The following PCSK5 variants were observed in gnomAD, a reference collection of about 807,000 sequenced individuals.
PCSK5 encodes proprotein convertase subtilisin/kexin type 5.
PCSK5 carries 129 observed loss-of-function variants against 233.2 expected under a neutral mutation model. The ratio of observed to expected loss-of-function variants is 0.55; its 90% CI spans 0.48 to 0.64. The LOEUF (loss-of-function observed/expected upper bound fraction) is 0.64, where lower values mean the gene tolerates loss of function less well. Among genes scored for constraint, PCSK5 ranks in the 30% least tolerant of loss-of-function variants. The probability of loss-of-function intolerance (pLI) is 0.00; values close to 1 mark genes in which losing one functional copy is unlikely to be tolerated. For synonymous variants in PCSK5, 825 were observed against 879.2 expected (o/e 0.94, Z 1.09); for missense variants, 2,076 against 2,430.1 (o/e 0.85, Z 3.06).
chr9:76,060,744 G>A (rs906168453), intron 5 of PCSK5, among the ~76,000 whole-genome samples: 4 of 152,116 alleles, frequency 2.6e-5, no homozygotes, highest in Admixed American at 1.3e-4. Context: ...GATTGATAAC[G>A]TTAGACTTTG....
At chr9:76,027,568 C>G (rs939214883) in intron 5 of PCSK5, among the ~76,000 whole-genome samples, 29 of 115,838 alleles carry the variant, frequency 2.5e-4, no homozygotes, top group South Asian at 3.3e-4. Context: ...CCCCGCCCCC[C>G]GCCCAGGCAA....
intron 8 of PCSK5, among the ~76,000 whole-genome samples, chr9:76,105,878 C>T (rs1173821098): frequency 6.6e-6 from 1 of 152,186 alleles, no homozygotes; most frequent in Non-Finnish European, 1.5e-5. Flanking sequence ...CTTATGGTCT[C>T]ATGTGAAACT....
At chr9:76,118,231 G>A (rs1016967113) in intron 9 of PCSK5, among the ~76,000 whole-genome samples, 5 of 152,088 alleles carry the variant, frequency 3.3e-5, no homozygotes, top group Non-Finnish European at 7.4e-5. Context: ...ATGCTATTCA[G>A]TGAGAGTGTT....
At position 76,107,370 on chromosome 9, in the gene PCSK5, A is replaced by G. The variant is rs760539392; in HGVS notation, c.1208+19A>G. On this transcript the variant is annotated intron_variant, in intron 9 of 37. Coordinates refer to ENST00000674117, the MANE Select transcript of PCSK5 (RefSeq NM_001372043.1). ...AAGCCAAGTAAGCCTTGATCTCTAT[A>G]TGTCTTCAATGGTGACAACCCCTGA... The G allele has an allele frequency of 7.2e-6, 11 of 1,525,484 alleles. 1 individual carries two copies. The South Asian group carries it at 1.0e-4, about 14-fold the overall frequency. 94.5% of individuals were successfully genotyped at this position (1,525,484 alleles called of 1,614,324 possible).
At chr9:75,939,639 T>C (rs2131298320) in intron 2 of PCSK5, among the ~76,000 whole-genome samples, 1 of 152,314 alleles carries the variant, frequency 6.6e-6, no homozygotes, top group Admixed American at 6.5e-5. Flanking sequence ...ATCCTAACTT[T>C]TCTAGTAGGG....
chr9:75,940,650 T>C (rs1824260335), intron 2 of PCSK5, among the ~76,000 whole-genome samples: 1 of 152,226 alleles, frequency 6.6e-6, no homozygotes, highest in South Asian at 2.1e-4. Flanking sequence ...AAGAGTAAAA[T>C]AGGTGTAATG....
chr9:76,059,234 G>A (rs1229057941), intron 5 of PCSK5, among the ~76,000 whole-genome samples: 1 of 152,102 alleles, frequency 6.6e-6, no homozygotes, highest in Non-Finnish European at 1.5e-5. Context: ...TTGTAAATTT[G>A]TTTATTTGTA....
At chr9:76,025,384 A>G (rs1003110833) in intron 4 of PCSK5, among the ~76,000 whole-genome samples, 2 of 144,784 alleles carry the variant, frequency 1.4e-5, no homozygotes, top group Non-Finnish European at 3.0e-5. Flanking sequence ...ATCTCTAATA[A>G]AAGTAAAAAA....
At chr9:76,333,668 T>C (rs1388109306) in intron 34 of PCSK5, among the ~76,000 whole-genome samples, 1 of 152,184 alleles carries the variant, frequency 6.6e-6, no homozygotes, top group Non-Finnish European at 1.5e-5. Context: ...TTGCTGACTC[T>C]TTCTACCCAA....
intron 20 of PCSK5, chr9:76,193,413 GAAAAAAGCCA>G: frequency 4.1e-6 from 4 of 979,810 alleles, no homozygotes; most frequent in Non-Finnish European, 5.4e-6. Context: ...TTATTAAAAA[GAAAAAAGCCA>G]AAAAGAAAAA....
At chr9:76,246,655 G>A (rs996222077) in intron 24 of PCSK5, among the ~76,000 whole-genome samples, 1 of 152,184 alleles carries the variant, frequency 6.6e-6, no homozygotes, top group Non-Finnish European at 1.5e-5. Context: ...ACTTGTGGTA[G>A]TAAACTATCA....
intron 33 of PCSK5, among the ~76,000 whole-genome samples, chr9:76,329,107 C>A (rs1461470994): frequency 1.3e-5 from 2 of 151,702 alleles, no homozygotes; most frequent in African/African-American, 4.8e-5. Flanking sequence ...GTGTGAGCCA[C>A]TGCGCCCGGC....
intron 12 of PCSK5, among the ~76,000 whole-genome samples, chr9:76,164,740 G>A (rs1823023257): frequency 6.6e-6 from 1 of 152,116 alleles, no homozygotes; most frequent in Non-Finnish European, 1.5e-5. Flanking sequence ...AAAAGACTTG[G>A]GAGCAGTATG....
At chr9:75,934,424 C>T (rs748569097) in intron 2 of PCSK5, among the ~76,000 whole-genome samples, 25 of 152,092 alleles carry the variant, frequency 1.6e-4, no homozygotes, top group Admixed American at 5.9e-4. Flanking sequence ...CTAGCATATG[C>T]CAGGCCCTGT....
At chr9:76,277,482 G>A (rs767145749) in intron 24 of PCSK5, among the ~76,000 whole-genome samples, 11 of 152,278 alleles carry the variant, frequency 7.2e-5, no homozygotes, top group Admixed American at 5.2e-4. Flanking sequence ...GAGACCAATA[G>A]AAGACTGAAC....
chr9:75,934,797 C>T (rs748238606), intron 2 of PCSK5, among the ~76,000 whole-genome samples: 6 of 151,874 alleles, frequency 4.0e-5, no homozygotes, highest in Non-Finnish European at 8.8e-5. Context: ...GGCTAGCGAC[C>T]TCAAGTGGTC....
At chr9:76,151,006 AT>A (rs776392152) in intron 10 of PCSK5, among the ~76,000 whole-genome samples, 5 of 141,554 alleles carry the variant, frequency 3.5e-5, no homozygotes, top group Non-Finnish European at 6.1e-5. Context: ...TTCTTTTTAC[AT>A]TAAAAAAAAA....
chr9:76,302,613 G>T (rs1229644102), intron 28 of PCSK5, among the ~76,000 whole-genome samples: 5 of 152,190 alleles, frequency 3.3e-5, no homozygotes, highest in Non-Finnish European at 7.3e-5. Context: ...GTTACCAGCA[G>T]GAGATGAGAG....
At chr9:76,269,006 A>G (rs561115258) in intron 24 of PCSK5, among the ~76,000 whole-genome samples, 3 of 152,200 alleles carry the variant, frequency 2.0e-5, no homozygotes, top group African/African-American at 7.2e-5. Context: ...AAATTTGGAA[A>G]GGGGTGAAAT....
Sources: allele counts gnomAD v4.1 joint callset (sites outside exome capture counted in the v4.1 genomes callset), GRCh38; gene constraint gnomAD v4.1.1; transcripts MANE v1.5; gene names NCBI Gene and HGNC (gene_info 2026-07-23, HGNC 2026-07-21).